The following LONP2 variants were observed in gnomAD, a reference collection of about 807,000 sequenced individuals.
LONP2 encodes the protein lon protease homolog 2, peroxisomal.
LONP2 carries 60 observed loss-of-function variants against 85.6 expected under a neutral mutation model. The observed-to-expected ratio is 0.70, with a 90% CI of 0.57 to 0.87. The LOEUF is 0.87. LONP2 is among the 40% of genes least tolerant of loss of function. LONP2 has a pLI of 0.00. For synonymous variants in LONP2, 395 were observed against 389.7 expected, an observed-to-expected ratio of 1.01 and a Z score of -0.16; for missense variants, 860 against 1,063.5, an observed-to-expected ratio of 0.81 and a Z score of 2.66.
chr16:48,254,571 G>C (rs1971719633), intron 2 of LONP2, among the ~76,000 whole-genome samples: 1 of 151,732 alleles, frequency 6.6e-6, no homozygotes, highest in East Asian at 1.9e-4. Context: ...CACCATGTTG[G>C]CCAGGCTGGT....
chr16:48,359,013 A>T (rs901658602), downstream of LONP2, among the ~76,000 whole-genome samples: 5 of 152,264 alleles, frequency 3.3e-5, no homozygotes, highest in Middle Eastern at 3.4e-3. Context: ...TTGAGCCAAG[A>T]GTCTCAGTCC....
In LONP2 at chr16:48,342,849, T is replaced by A. The variant is rs539969161; in HGVS notation, c.1939-4658T>A. On this transcript the variant is annotated intron_variant, in intron 12 of 14. Transcript: ENST00000285737. ...CTCTATGAGCTACAAAAGAAACCAG[T>A]TGATGGTGTGAACACCACTACAGAG... 2.6e-5 allele frequency among the ~76,000 whole-genome samples: 4 copies of A among 152,322 alleles called. No individual in the cohort carries two copies. In the East Asian group the frequency reaches 7.7e-4, roughly 29 times the overall value.
chr16:48,310,241 C>T (rs1973001946), intron 11 of LONP2, among the ~76,000 whole-genome samples: 1 of 151,652 alleles, frequency 6.6e-6, no homozygotes, highest in Admixed American at 6.6e-5. Flanking sequence ...GTTTTTTAAT[C>T]CATTGCACCA....
At chr16:48,269,978 T>G (rs771271357) in intron 6 of LONP2, 38 bp from the exon 7 acceptor site, 2 of 1,565,844 alleles carry the variant, frequency 1.3e-6, no homozygotes, top group Admixed American at 2.0e-5. Flanking sequence ...CTTAAAAATT[T>G]TATGTGTTCT....
At chr16:48,245,980 G>T (rs1310763070) in intron 1 of LONP2, among the ~76,000 whole-genome samples, 2 of 151,948 alleles carry the variant, frequency 1.3e-5, no homozygotes, top group East Asian at 1.9e-4. Context: ...TTAAATTAGG[G>T]GTTCCTGACT....
At chr16:48,301,506 G>A (rs1972803628) in intron 10 of LONP2, among the ~76,000 whole-genome samples, 1 of 152,044 alleles carries the variant, frequency 6.6e-6, no homozygotes, top group African/African-American at 2.4e-5. Flanking sequence ...GTGGTGGTGT[G>A]TGCCTGTAAT....
intron 11 of LONP2, among the ~76,000 whole-genome samples, chr16:48,321,288 G>T (rs559985012): frequency 7.9e-5 from 12 of 152,184 alleles, no homozygotes; most frequent in African/African-American, 2.6e-4. Flanking sequence ...ATTACAAAAG[G>T]TCTCTGCATT....
intron 11 of LONP2, among the ~76,000 whole-genome samples, chr16:48,333,386 T>C (rs995491303): frequency 2.0e-5 from 3 of 152,228 alleles, no homozygotes; most frequent in Non-Finnish European, 4.4e-5. Context: ...TCTCTTACCC[T>C]GGCACTGCCA....
intron 10 of LONP2, 124 bp from the exon 11 acceptor site, chr16:48,303,048 G>A (rs1051970181): frequency 4.4e-5 from 41 of 929,714 alleles, no homozygotes; most frequent in Non-Finnish European, 6.5e-5. Flanking sequence ...GGAAAAGTTA[G>A]TACTCAAGAA....
intron 11 of LONP2, among the ~76,000 whole-genome samples, chr16:48,310,323 A>G (rs1319361404): frequency 6.6e-6 from 1 of 151,582 alleles, no homozygotes; most frequent in Non-Finnish European, 1.5e-5. Context: ...CATAATGTTA[A>G]TTGCTATCTA....
intron 12 of LONP2, chr16:48,334,846 G>C: frequency 2.0e-6 from 1 of 505,152 alleles, no homozygotes; most frequent in Non-Finnish European, 4.0e-6. Flanking sequence ...TCTTCACAAA[G>C]ATCCACATCT....
intron 7 of LONP2, among the ~76,000 whole-genome samples, chr16:48,274,339 C>T (rs1359777812): frequency 2.0e-5 from 3 of 152,046 alleles, no homozygotes; most frequent in Non-Finnish European, 4.4e-5. Context: ...GATTTATCGT[C>T]TATCTCCTTT....
At chr16:48,276,737 A>G (rs1972216887) in intron 7 of LONP2, among the ~76,000 whole-genome samples, 1 of 152,206 alleles carries the variant, frequency 6.6e-6, no homozygotes, top group African/African-American at 2.4e-5. Flanking sequence ...GGACAGAATA[A>G]TGGAATTCTG....
Position 48,351,733 on chromosome 16 carries a change from T to C in LONP2, c.2490T>C (p.Val830=). ...TCACAGCAAGCTGCCTGGATGAGGTTCTTAATGCAGCTTTTGATGGTGGCT... is the reference window on the plus strand; with the variant it reads ...TCACAGCAAGCTGCCTGGATGAGGTCCTTAATGCAGCTTTTGATGGTGGCT... ...SFVTASCLDE[V]LNAAFDGGFT... Residue 830 remains valine, a synonymous_variant, in exon 15 of 15, where the codon GTT becomes GTC. Transcript: ENST00000285737. 5 of 1,614,178 alleles carry C rather than the reference T, an allele frequency of 3.1e-6. No individual in the cohort carries two copies. The highest frequency in any genetic ancestry group is 3.4e-6 in the Non-Finnish European group (4 of 1,180,022).
chr16:48,296,639 A>ATTCAAGGGT (rs1237229677), intron 9 of LONP2, among the ~76,000 whole-genome samples: 3 of 151,572 alleles, frequency 2.0e-5, no homozygotes, highest in Admixed American at 6.6e-5. Flanking sequence ...AGGCGGGAGA[A>ATTCAAGGGT]TCCCTTGAAC....
rs752095440 is a variant in LONP2 at position 48,299,611 on chromosome 16, C to T, written c.1535-51C>T. 2 of 1,568,034 alleles carry T rather than the reference C, an allele frequency of 1.3e-6. 1 individual carries two copies. The highest frequency in any genetic ancestry group is 2.4e-5 in the South Asian group (2 of 83,466). ...AAAAAAAACAAAAAACAAAGCATGG[C>T]ATTATGGGAGCCATGTAAATAATTA... On this transcript the variant is annotated intron_variant, in intron 9 of 14. Transcript: ENST00000285737.
chr16:48,362,696 T>C lies in LONP2; in HGVS notation c.*833T>C, dbSNP rs1960643285. ...CTCCCTTAATCGTCTTTGGATAGAC[T>C]ACATAGAATAATAAATGCTAAAATA... On this transcript the variant is annotated 3_prime_UTR_variant, in exon 5 of 5. Transcript: ENST00000565867. The surrounding 1 kb of genome is among the most constrained non-coding windows in gnomAD (Gnocchi z 4.2). The C allele has an allele frequency of 2.9e-6, 1 of 341,998 alleles. No homozygotes were observed. The highest frequency in any genetic ancestry group is 2.2e-5 in the African/African-American group (1 of 45,960). The allele number at this position is 341,998 out of a possible 1,614,324, so 21.2% of individuals were successfully genotyped here.
intron 12 of LONP2, chr16:48,343,927 T>C (rs1029299137): frequency 6.6e-5 from 10 of 152,208 alleles, no homozygotes; most frequent in Non-Finnish European, 1.5e-4. Flanking sequence ...CACATTCTAC[T>C]TTGGCATATA....
chr16:48,350,561 T>C (rs1960111750), intron 14 of LONP2, among the ~76,000 whole-genome samples: 1 of 152,310 alleles, frequency 6.6e-6, no homozygotes, highest in Middle Eastern at 3.4e-3. Context: ...TTCAGCAGCA[T>C]GAACAAAACC....
Sources: allele counts gnomAD v4.1 joint callset (sites outside exome capture counted in the v4.1 genomes callset), GRCh38; gene constraint gnomAD v4.1.1; non-coding constraint Gnocchi (gnomAD v3.1); transcripts MANE v1.5; gene names NCBI Gene and HGNC (gene_info 2026-07-23, HGNC 2026-07-21).